Variants in SETBP1 observed in about 807,000 individuals in gnomAD.
The protein encoded by SETBP1 is SET binding protein 1.
Under a neutral mutation model 101.0 loss-of-function variants are expected in SETBP1, and 9 were observed. The observed-to-expected ratio is 0.09, with a 90% CI of 0.05 to 0.16. The LOEUF is 0.16. Among genes scored for constraint, SETBP1 ranks in the 10% least tolerant of loss-of-function variants. The pLI is 1.00. For missense variants in SETBP1, 1,858 were observed against 2,033.8 expected (o/e 0.91, Z 1.66); for synonymous variants, 818 against 788.5 (o/e 1.04, Z -0.63).
At chr18:44,885,857 C>CAAAAAAAAAAAAAAAAAAAAAAAAAAAAA (rs1555696149) in intron 3 of SETBP1, among the ~76,000 whole-genome samples, 2 of 78,170 alleles carry the variant, frequency 2.6e-5, no homozygotes, top group Non-Finnish European at 4.7e-5. Context: ...AAAAAAAAAA[C>CAAAAAAAAAAAAAAAAAAAAAAAAAAAAA]AAAAAAAAAA....
At chr18:44,993,815 AAAG>A (rs1182437487) in intron 4 of SETBP1, among the ~76,000 whole-genome samples, 8 of 152,070 alleles carry the variant, frequency 5.3e-5, no homozygotes, top group Admixed American at 2.0e-4. Flanking sequence ...AAGATCTCTT[AAAG>A]AAGAAGAAAA....
At chr18:44,881,251 C>G (rs1006110470) in intron 3 of SETBP1, among the ~76,000 whole-genome samples, 1 of 152,184 alleles carries the variant, frequency 6.6e-6, no homozygotes, top group Non-Finnish European at 1.5e-5. Flanking sequence ...CAAAAGTGGA[C>G]AGCTTTGAAT....
intron 3 of SETBP1, among the ~76,000 whole-genome samples, chr18:44,920,648 T>A (rs941255097): frequency 6.6e-6 from 1 of 152,184 alleles, no homozygotes; most frequent in Non-Finnish European, 1.5e-5. Flanking sequence ...TAAGGGTGGC[T>A]GTCAGTCATC....
chr18:44,963,000 T>A (rs184702925), intron 4 of SETBP1, among the ~76,000 whole-genome samples: 3 of 152,210 alleles, frequency 2.0e-5, no homozygotes, highest in Non-Finnish European at 4.4e-5. Context: ...TTTCATTTGA[T>A]CTTCAAAATC....
Position 45,032,225 on chromosome 18 carries a change from T to A in SETBP1, c.4001-6260T>A, listed in dbSNP as rs529356395. ...ATGGATGAAAGGAGGTCACCTCAGA[T>A]CCCACTGAGATCTCATTTGCCTCCT... On this transcript the variant is annotated intron_variant, in intron 4 of 5. Coordinates refer to ENST00000649279, the MANE Select transcript of SETBP1 (RefSeq NM_015559.3). Among the ~76,000 whole-genome samples, 3 of 152,264 alleles carry A rather than the reference T, an allele frequency of 2.0e-5. No individual in the cohort carries two copies. In the South Asian group the frequency reaches 6.2e-4, roughly 32 times the overall value.
At chr18:44,975,596 G>A (rs753672609) in intron 4 of SETBP1, among the ~76,000 whole-genome samples, 1 of 151,964 alleles carries the variant, frequency 6.6e-6, no homozygotes, top group African/African-American at 2.4e-5. Context: ...ATTGTTAGGT[G>A]TTCTGTGAAA....
chr18:44,892,595 G>A (rs1735842489), intron 3 of SETBP1, among the ~76,000 whole-genome samples: 1 of 152,058 alleles, frequency 6.6e-6, no homozygotes, highest in Non-Finnish European at 1.5e-5. Flanking sequence ...TTCCAGTGAT[G>A]GAGAGCTTTC....
At chr18:44,840,109 G>C (rs2072586444) in intron 2 of SETBP1, among the ~76,000 whole-genome samples, 1 of 151,592 alleles carries the variant, frequency 6.6e-6, no homozygotes, top group Non-Finnish European at 1.5e-5. Flanking sequence ...TTTAGGGACA[G>C]AGCACCCTGC....
intron 2 of SETBP1, among the ~76,000 whole-genome samples, chr18:44,738,436 T>C (rs148449577): frequency 6.6e-6 from 1 of 152,332 alleles, no homozygotes; most frequent in East Asian, 1.9e-4. Flanking sequence ...CTGGAAGCAT[T>C]AGAAGATGAG....
In SETBP1 at chr18:44,760,754, G is replaced by A. The variant is rs1238885273; in HGVS notation, c.486+58922G>A. Among the ~76,000 whole-genome samples, 6 of 152,152 alleles carry A rather than the reference G, an allele frequency of 3.9e-5. No homozygotes were observed. In the South Asian group the frequency reaches 1.0e-3, roughly 26 times the overall value. ...TTTATAAGATGGGTATGGAAATAGA[G>A]GGAGGTGTATATACTGTTTTTTAAC... is the stretch of plus-strand genomic sequence containing the variant. On this transcript the variant is annotated intron_variant, in intron 2 of 5. Coordinates refer to ENST00000649279, the MANE Select transcript of SETBP1 (RefSeq NM_015559.3).
chr18:44,942,721 T>A (rs970968690), intron 3 of SETBP1, among the ~76,000 whole-genome samples: 5 of 152,182 alleles, frequency 3.3e-5, no homozygotes, highest in African/African-American at 1.2e-4. Context: ...AAAGGTTACG[T>A]CTACTACCTA....
intron 2 of SETBP1, among the ~76,000 whole-genome samples, chr18:44,815,297 T>C (rs1435654636): frequency 6.6e-6 from 1 of 152,238 alleles, no homozygotes; most frequent in Admixed American, 6.5e-5. Context: ...GTAAAACCCA[T>C]CTGGACTTTA....
intron 3 of SETBP1, among the ~76,000 whole-genome samples, chr18:44,924,443 A>G (rs1332360303): frequency 6.6e-6 from 1 of 152,202 alleles, no homozygotes; most frequent in Non-Finnish European, 1.5e-5. Context: ...AAAATTAAGA[A>G]TAGTTGCATT....
rs115693235 is a variant in SETBP1 at position 45,020,657 on chromosome 18, C to G, written c.4001-17828C>G. Among the ~76,000 whole-genome samples the G allele has an allele frequency of 1.3e-3, 197 of 152,262 alleles. 1 individual carries two copies. The highest frequency in any genetic ancestry group is 3.8e-3 in the African/African-American group (157 of 41,552). On this transcript the variant is annotated intron_variant, in intron 4 of 5. Transcript: ENST00000649279. ...TCAGGACAAAAAGCAGTAACATGCT[C>G]AAACTCATAGAGCTAAAGATAAGTG...
chr18:45,016,444 A>T (rs1024449247), intron 4 of SETBP1, among the ~76,000 whole-genome samples: 1 of 151,892 alleles, frequency 6.6e-6, no homozygotes, highest in African/African-American at 2.4e-5. Context: ...AGGAAGGGGG[A>T]GCATCCCACA....
At chr18:45,027,161 A>T (rs1440856127) in intron 4 of SETBP1, among the ~76,000 whole-genome samples, 1 of 152,238 alleles carries the variant, frequency 6.6e-6, no homozygotes, top group African/African-American at 2.4e-5. Flanking sequence ...TTTACTGCAT[A>T]GAGTAAAATA....
At chr18:44,991,129 G>A (rs2072364966) in intron 4 of SETBP1, among the ~76,000 whole-genome samples, 1 of 150,922 alleles carries the variant, frequency 6.6e-6, no homozygotes, top group Admixed American at 6.6e-5. Context: ...TGTAGTCCCA[G>A]CTACTCAGGA....
intron 2 of SETBP1, among the ~76,000 whole-genome samples, chr18:44,825,409 A>AT (rs1395751541): frequency 5.3e-5 from 8 of 152,164 alleles, no homozygotes; most frequent in Non-Finnish European, 8.8e-5. Context: ...CTATCAGAAT[A>AT]TTTTTTCATC....
chr18:44,999,710 G>T (rs1006483421), intron 4 of SETBP1, among the ~76,000 whole-genome samples: 2 of 152,124 alleles, frequency 1.3e-5, no homozygotes, highest in Admixed American at 1.3e-4. Context: ...AGCTAAACCT[G>T]GTGAATCCAT....
Sources: gnomAD v4.1 joint callset for allele counts (sites outside exome capture counted in the v4.1 genomes callset) on GRCh38, gnomAD v4.1.1 for gene constraint, MANE v1.5 for transcripts, NCBI Gene and HGNC (gene_info 2026-07-23, HGNC 2026-07-21) for gene names.